The following HTR2C variants were observed in gnomAD, a reference collection of about 807,000 sequenced individuals.
The protein encoded by HTR2C is 5-hydroxytryptamine receptor 2C, also known as 5-hydroxytryptamine (serotonin) receptor 2C, G protein-coupled.
A neutral mutation model predicts 21.0 loss-of-function variants in HTR2C; 5 were observed. The observed-to-expected ratio is 0.24, with a 90% CI of 0.12 to 0.50. The LOEUF is 0.50. HTR2C is among the 20% of genes least tolerant of loss of function. The pLI, the probability that HTR2C is intolerant of heterozygous loss-of-function variation, is 0.98. For synonymous variants in HTR2C, 150 were observed against 145.3 expected, an observed-to-expected ratio of 1.03 and a Z score of -0.23; for missense variants, 271 against 371.2, an observed-to-expected ratio of 0.73 and a Z score of 2.22.
intron 4 of HTR2C, among the ~76,000 whole-genome samples, chrX:114,792,750 C>G (rs1313548905): frequency 2.7e-5 from 3 of 111,667 alleles, no homozygotes; most frequent in African/African-American, 9.8e-5. Context: ...TAAAAGCATT[C>G]CTATTTCTCC....
At chrX:114,607,390 C>A (rs1398740228) in intron 1 of HTR2C, among the ~76,000 whole-genome samples, 3 of 111,735 alleles carry the variant, frequency 2.7e-5, no homozygotes, top group African/African-American at 9.8e-5. Context: ...CCAAAGAAGT[C>A]ACTAGGACCT....
intron 4 of HTR2C, among the ~76,000 whole-genome samples, chrX:114,812,219 A>C (rs1252122444): frequency 1.8e-5 from 2 of 109,934 alleles, no homozygotes; most frequent in Non-Finnish European, 3.8e-5. Context: ...CTATTCTATG[A>C]GTGATTATCT....
intron 2 of HTR2C, among the ~76,000 whole-genome samples, chrX:114,676,448 T>TAA (rs34943177): frequency 9.4e-6 from 1 of 106,102 alleles, no homozygotes; most frequent in African/African-American, 3.4e-5. Flanking sequence ...CTTTCTGAGG[T>TAA]AAAAAAAAAA....
chrX:114,686,835 A>G (rs1339541336), intron 2 of HTR2C, among the ~76,000 whole-genome samples: 2 of 111,631 alleles, frequency 1.8e-5, no homozygotes, highest in African/African-American at 3.2e-5. Context: ...GCAAAATTTT[A>G]TAACGTTTCA....
intron 5 of HTR2C, among the ~76,000 whole-genome samples, chrX:114,852,152 G>A (rs1366424726): frequency 1.8e-5 from 2 of 110,614 alleles, no homozygotes; most frequent in Non-Finnish European, 3.8e-5. Flanking sequence ...TATAGTCAAA[G>A]CATTGTCTTC....
intron 2 of HTR2C, among the ~76,000 whole-genome samples, chrX:114,624,660 A>G (rs1475940148): frequency 8.9e-6 from 1 of 111,924 alleles, no homozygotes; most frequent in East Asian, 2.8e-4. Flanking sequence ...GACTAACAGC[A>G]ACCTCTGATT....
Position 114,606,859 on chromosome X carries a change from C to T in HTR2C, c.-146-6956C>T, listed in dbSNP as rs782467927. ...TGTGAGCAACATGGCTGTTATTTCA[C>T]CTGGGTGCAAGTGGGCTGAGTCCGA... On this transcript the variant is annotated intron_variant, in intron 1 of 5. Coordinates refer to ENST00000276198, the MANE Select transcript of HTR2C (RefSeq NM_000868.4). Among the ~76,000 whole-genome samples the T allele has an allele frequency of 3.5e-3, 392 of 111,084 alleles. 1 individual carries two copies. The highest frequency in any genetic ancestry group is 0.019 in the South Asian group (51 of 2,624).
chrX:114,852,311 A>G (rs1233284176), intron 5 of HTR2C, among the ~76,000 whole-genome samples: 1 of 110,319 alleles, frequency 9.1e-6, no homozygotes, highest in African/African-American at 3.3e-5. Flanking sequence ...ATGCTCCAAC[A>G]GTCAAAACTA....
chrX:114,901,451 G>C (rs1253824924), intron 5 of HTR2C, among the ~76,000 whole-genome samples: 1 of 111,626 alleles, frequency 9.0e-6, no homozygotes, highest in African/African-American at 3.2e-5. Flanking sequence ...AACAGCAGTA[G>C]TAGTTATAAT....
At chrX:114,862,014 T>G (rs782805814) in intron 5 of HTR2C, among the ~76,000 whole-genome samples, 4 of 111,292 alleles carry the variant, frequency 3.6e-5, no homozygotes, top group Admixed American at 9.6e-5. Context: ...TTTTTGCTTT[T>G]GTAGCCTGCA....
chrX:114,607,096 C>A (rs943874567), intron 1 of HTR2C, among the ~76,000 whole-genome samples: 1 of 109,925 alleles, frequency 9.1e-6, no homozygotes, highest in African/African-American at 3.4e-5. Flanking sequence ...GCCATTTACA[C>A]TTCTTTTGTG....
intron 2 of HTR2C, among the ~76,000 whole-genome samples, chrX:114,675,361 A>G (rs1374858126): frequency 1.8e-5 from 2 of 111,806 alleles, no homozygotes; most frequent in Admixed American, 9.5e-5. Flanking sequence ...TTTAATTTCA[A>G]CTCTTATAGT....
chrX:114,599,634 T>TA (rs1364709197), intron 1 of HTR2C, among the ~76,000 whole-genome samples: 1 of 111,897 alleles, frequency 8.9e-6, no homozygotes, highest in Non-Finnish European at 1.9e-5. Context: ...ATCTAAAAGA[T>TA]AAAAAAAACA....
At chrX:114,772,801 C>T (rs1432997882) in intron 4 of HTR2C, among the ~76,000 whole-genome samples, 1 of 111,167 alleles carries the variant, frequency 9.0e-6, no homozygotes, top group Admixed American at 9.6e-5. Flanking sequence ...AATAATGTAA[C>T]TTGGATTTAC....
chrX:114,761,932 T>TATGTGTATATATACGTGTATATATACAC (rs2069876679), intron 4 of HTR2C, among the ~76,000 whole-genome samples: 3 of 19,804 alleles, frequency 1.5e-4, no homozygotes, highest in Non-Finnish European at 3.9e-4. Flanking sequence ...TATATATACA[T>TATGTGTATATATACGTGTATATATACAC]ATATGTGTAT....
At chrX:114,812,403 G>A (rs1201494279) in intron 4 of HTR2C, among the ~76,000 whole-genome samples, 4 of 110,159 alleles carry the variant, frequency 3.6e-5, no homozygotes, top group Non-Finnish European at 3.8e-5. Context: ...CAGTAGTTCA[G>A]ACAGAGCAAG....
intron 2 of HTR2C, among the ~76,000 whole-genome samples, chrX:114,724,986 T>C (rs1933394598): frequency 9.1e-6 from 1 of 110,404 alleles, no homozygotes; most frequent in Admixed American, 9.7e-5. Context: ...ATCTGACAAG[T>C]GTGTGTCTTA....
At chrX:114,689,335 A>G (rs1287400673) in intron 2 of HTR2C, among the ~76,000 whole-genome samples, 1 of 107,132 alleles carries the variant, frequency 9.3e-6, no homozygotes, top group Admixed American at 1.0e-4. Flanking sequence ...CAAGTGTCTT[A>G]TTCATATAAT....
At chrX:114,707,050 C>G (rs1197202058) in intron 2 of HTR2C, among the ~76,000 whole-genome samples, 5 of 111,474 alleles carry the variant, frequency 4.5e-5, no homozygotes, top group African/African-American at 1.3e-4. Context: ...ATTACTATTG[C>G]ATATAAAGAG....
Sources: gnomAD v4.1 joint callset for allele counts (sites outside exome capture counted in the v4.1 genomes callset) on GRCh38, gnomAD v4.1.1 for gene constraint, MANE v1.5 for transcripts, NCBI Gene and HGNC (gene_info 2026-07-23, HGNC 2026-07-21) for gene names.